SH3GL3: variants seen among roughly 807,000 people sequenced by gnomAD.
SH3GL3 encodes endophilin-A3.
SH3GL3 carries 33 observed loss-of-function variants against 47.7 expected under a neutral mutation model. The observed-to-expected ratio is 0.69, with a 90% CI of 0.52 to 0.92. SH3GL3 has a LOEUF of 0.92. SH3GL3 is among the 40% of genes least tolerant of loss of function. SH3GL3 has a pLI of 0.00. For missense variants in SH3GL3, 363 were observed against 417.8 expected, an observed-to-expected ratio of 0.87 and a Z score of 1.14; for synonymous variants, 155 against 148.8, an observed-to-expected ratio of 1.04 and a Z score of -0.30.
intron 1 of SH3GL3, among the ~76,000 whole-genome samples, chr15:83,489,850 GAT>G (rs2041787201): frequency 9.7e-6 from 1 of 102,790 alleles, no homozygotes; most frequent in African/African-American, 3.8e-5. Flanking sequence ...TAGATAGATA[GAT>G]AGATAGATAG....
rs1368725037 is a variant in SH3GL3 at position 83,568,626 on chromosome 15, C to A, written c.285C>A (p.Asp95Glu). Residue 95 changes from aspartate (D) to glutamate (E), a missense_variant, in exon 4 of 9, where the codon GAC becomes GAA. Transcript: ENST00000427482. ...CGCAGACGGAAGGCTTGCTGGGGGACTGTATGCTGAAATACGGGAAGGAGC... is the reference window on the plus strand; with the variant it reads ...CGCAGACGGAAGGCTTGCTGGGGGAATGTATGCTGAAATACGGGAAGGAGC... ...GYPQTEGLLG[D>E]CMLKYGKELG... 3 of 1,613,716 alleles carry A rather than the reference C, an allele frequency of 1.9e-6. No homozygotes were observed. In the South Asian group the frequency reaches 3.3e-5, roughly 18 times the overall value.
intron 1 of SH3GL3, among the ~76,000 whole-genome samples, chr15:83,449,353 A>G (rs1387834721): frequency 6.6e-6 from 1 of 152,212 alleles, no homozygotes; most frequent in African/African-American, 2.4e-5. Context: ...CTCAGCTGGT[A>G]CAGCCAGGAG....
At chr15:83,450,790 C>CTTTTTTTTTTTTTTATTTTTTTTTTTTT (rs11389151) in intron 1 of SH3GL3, among the ~76,000 whole-genome samples, 1 of 45,360 alleles carries the variant, frequency 2.2e-5, no homozygotes, top group Non-Finnish European at 3.7e-5. Flanking sequence ...TATAGATTTT[C>CTTTTTTTTTTTTTTATTTTTTTTTTTTT]TTTTTTTTTT....
chr15:83,520,005 G>A (rs1302644525), intron 1 of SH3GL3, among the ~76,000 whole-genome samples: 1 of 152,178 alleles, frequency 6.6e-6, no homozygotes, highest in Non-Finnish European at 1.5e-5. Context: ...ACAAGACTCC[G>A]GGTCAGAGGG....
In SH3GL3 at chr15:83,606,420, T is replaced by C. The variant is rs2060516869; in HGVS notation, c.839-11662T>C. Among the ~76,000 whole-genome samples, 6 of 152,336 alleles carry C rather than the reference T, an allele frequency of 3.9e-5. No individual in the cohort carries two copies. The South Asian group carries it at 1.0e-3, about 26-fold the overall frequency. ...AAATGTGAAGTTTGAAAATTAAAGATGAACACTTTGCAAATAGAAATATAT... is the reference window on the plus strand; with the variant it reads ...AAATGTGAAGTTTGAAAATTAAAGACGAACACTTTGCAAATAGAAATATAT... On this transcript the variant is annotated intron_variant, in intron 8 of 8. Transcript: ENST00000427482.
intron 1 of SH3GL3, among the ~76,000 whole-genome samples, chr15:83,458,512 G>A (rs1053964624): frequency 6.6e-6 from 1 of 152,180 alleles, no homozygotes; most frequent in Admixed American, 6.5e-5. Flanking sequence ...TCCATCCGTG[G>A]TAGAGGCTGC....
rs1340482198 is a variant in SH3GL3, at chr15:83,447,491, G to A, written c.-43G>A. On this transcript the variant is annotated 5_prime_UTR_variant, in exon 1 of 9. Transcript: ENST00000427482. The surrounding 1 kb of genome is among the most constrained non-coding windows in gnomAD (Gnocchi z 5.1). Reference sequence around the variant, plus strand: ...GAGCGCGTCGCGGCCGCGTGGCCCAGCCGAGCCTTGAGACCACCCCGCCCC... The same window carrying A: ...GAGCGCGTCGCGGCCGCGTGGCCCAACCGAGCCTTGAGACCACCCCGCCCC... 2.7e-6 allele frequency: 4 copies of A among 1,475,534 alleles called. No homozygotes were observed. The highest frequency in any genetic ancestry group is 3.6e-6 in the Non-Finnish European group (4 of 1,109,202). 91.4% of individuals were successfully genotyped at this position (1,475,534 alleles called of 1,614,324 possible). A position where few individuals can be genotyped will look rare whatever the true frequency, so the allele number is the denominator to read the frequency against.
chr15:83,480,878 A>G (rs1306367951), intron 1 of SH3GL3, among the ~76,000 whole-genome samples: 2 of 152,120 alleles, frequency 1.3e-5, no homozygotes, highest in East Asian at 1.9e-4. Flanking sequence ...TGTGTATCCC[A>G]TGGGAGTCCT....
intron 1 of SH3GL3, among the ~76,000 whole-genome samples, chr15:83,469,846 T>C (rs2040749339): frequency 6.6e-6 from 1 of 152,242 alleles, no homozygotes; most frequent in Admixed American, 6.5e-5. Context: ...TTTTGGTTGA[T>C]AGTGTTACTG....
At chr15:83,515,944 C>T (rs1203134101) in intron 1 of SH3GL3, among the ~76,000 whole-genome samples, 1 of 152,150 alleles carries the variant, frequency 6.6e-6, no homozygotes, top group Non-Finnish European at 1.5e-5. Context: ...ATATACATCA[C>T]AGTAATAAAT....
At chr15:83,568,971 A>G (rs1359383384) in intron 4 of SH3GL3, among the ~76,000 whole-genome samples, 1 of 144,698 alleles carries the variant, frequency 6.9e-6, no homozygotes, top group Non-Finnish European at 1.5e-5. Context: ...ATCTTGGCTC[A>G]CTGCAGCCTC....
At chr15:83,549,201 T>A (rs2044545385) in intron 1 of SH3GL3, among the ~76,000 whole-genome samples, 1 of 152,246 alleles carries the variant, frequency 6.6e-6, no homozygotes, top group Admixed American at 6.5e-5. Context: ...TTAAAAATCA[T>A]TTCTGATGTC....
intron 1 of SH3GL3, among the ~76,000 whole-genome samples, chr15:83,546,736 C>T (rs1176719854): frequency 2.0e-5 from 3 of 152,104 alleles, no homozygotes; most frequent in Non-Finnish European, 4.4e-5. Flanking sequence ...GGTGTTTATT[C>T]AAGGCCCAAG....
At chr15:83,615,417 T>G (rs190406471) in intron 8 of SH3GL3, among the ~76,000 whole-genome samples, 156 of 152,228 alleles carry the variant, frequency 1.0e-3, no homozygotes, top group Admixed American at 1.8e-3. Context: ...CAGGTTCAAG[T>G]GATCCTCCTG....
chr15:83,610,894 T>G (rs1203711629), intron 8 of SH3GL3, among the ~76,000 whole-genome samples: 1 of 152,010 alleles, frequency 6.6e-6, no homozygotes, highest in East Asian at 1.9e-4. Context: ...AATTGTAGGA[T>G]TGGACCGCCT....
intron 1 of SH3GL3, among the ~76,000 whole-genome samples, chr15:83,547,391 C>T (rs1351935399): frequency 1.3e-5 from 2 of 152,226 alleles, no homozygotes; most frequent in Admixed American, 6.5e-5. Flanking sequence ...TTACTTTGCC[C>T]TTCCTCCCGC....
chr15:83,586,678 A>G (rs1256417318), intron 6 of SH3GL3, among the ~76,000 whole-genome samples: 1 of 152,242 alleles, frequency 6.6e-6, no homozygotes, highest in Non-Finnish European at 1.5e-5. Flanking sequence ...TTTCAGATCC[A>G]TGAGCTTTAT....
chr15:83,603,627 T>G (rs1489495513), intron 8 of SH3GL3, among the ~76,000 whole-genome samples: 1 of 152,184 alleles, frequency 6.6e-6, no homozygotes, highest in South Asian at 2.1e-4. Flanking sequence ...TCCAATGCAT[T>G]AGGAACCAAC....
chr15:83,513,714 C>T (rs2042867294), intron 1 of SH3GL3, among the ~76,000 whole-genome samples: 1 of 152,176 alleles, frequency 6.6e-6, no homozygotes, highest in African/African-American at 2.4e-5. Context: ...CTACTTCCCA[C>T]TCTACCCAGG....
Sources: allele counts gnomAD v4.1 joint callset (sites outside exome capture counted in the v4.1 genomes callset), GRCh38; gene constraint gnomAD v4.1.1; non-coding constraint Gnocchi (gnomAD v3.1); transcripts MANE v1.5; gene names NCBI Gene and HGNC (gene_info 2026-07-23, HGNC 2026-07-21).